Variants in EPB41L4B observed in about 807,000 individuals in gnomAD.
EPB41L4B encodes band 4.1-like protein 4B.
EPB41L4B carries 30 observed loss-of-function variants against 112.5 expected under a neutral mutation model. The observed-to-expected ratio is 0.27, with a 90% CI of 0.20 to 0.36. EPB41L4B has a LOEUF of 0.36. Among genes scored for constraint, EPB41L4B ranks in the 10% least tolerant of loss-of-function variants. The probability of loss-of-function intolerance (pLI) is 1.00; values close to 1 mark genes in which losing one functional copy is unlikely to be tolerated. For synonymous variants in EPB41L4B, 408 were observed against 439.7 expected (o/e 0.93, Z 0.90); for missense variants, 1,024 against 1,133.3 (o/e 0.90, Z 1.38).
chr9:109,234,163 C>T (rs1292310526), intron 15 of EPB41L4B, among the ~76,000 whole-genome samples: 1 of 150,736 alleles, frequency 6.6e-6, no homozygotes, highest in African/African-American at 2.4e-5. Context: ...AAGGCATTGT[C>T]ATAATTGCTG....
intron 1 of EPB41L4B, among the ~76,000 whole-genome samples, chr9:109,291,023 T>G (rs888737635): frequency 1.3e-5 from 2 of 152,174 alleles, no homozygotes; most frequent in Non-Finnish European, 2.9e-5. Context: ...ACTGGACTTA[T>G]GGCCAGGCTG....
chr9:109,193,478 G>T (rs1439867648), intron 21 of EPB41L4B, among the ~76,000 whole-genome samples: 1 of 152,252 alleles, frequency 6.6e-6, no homozygotes, highest in Non-Finnish European at 1.5e-5. Context: ...TAAAGGTTTT[G>T]GAAGTGAGTG....
chr9:109,260,445 C>T (rs868611148), intron 6 of EPB41L4B, among the ~76,000 whole-genome samples: 6 of 136,540 alleles, frequency 4.4e-5, no homozygotes, highest in Non-Finnish European at 7.7e-5. Flanking sequence ...GACAGAGTCT[C>T]GCTCTGTCAC....
At chr9:109,317,459 A>C (rs148184486) in intron 1 of EPB41L4B, among the ~76,000 whole-genome samples, 1 of 152,240 alleles carries the variant, frequency 6.6e-6, no homozygotes, top group Non-Finnish European at 1.5e-5. Context: ...TCTGCAGCAC[A>C]CAGCTTGGCA....
At chr9:109,211,318 G>C (rs567958753) in intron 17 of EPB41L4B, among the ~76,000 whole-genome samples, 1 of 152,270 alleles carries the variant, frequency 6.6e-6, no homozygotes, top group South Asian at 2.1e-4. Flanking sequence ...AGTGTGGCCA[G>C]GCATGGTGGC....
intron 17 of EPB41L4B, 98 bp from the exon 18 acceptor site, chr9:109,208,147 T>A: frequency 7.0e-7 from 1 of 1,420,448 alleles, no homozygotes; most frequent in Non-Finnish European, 9.7e-7. Flanking sequence ...AACACAGACC[T>A]ACATACATAG....
intron 25 of EPB41L4B, among the ~76,000 whole-genome samples, chr9:109,174,844 A>T (rs552143809): frequency 6.7e-6 from 1 of 149,672 alleles, no homozygotes; most frequent in African/African-American, 2.5e-5. Flanking sequence ...GGCTGACTAT[A>T]TGTCATTCAT....
At chr9:109,228,144 G>C (rs1833846033) in intron 15 of EPB41L4B, among the ~76,000 whole-genome samples, 1 of 152,218 alleles carries the variant, frequency 6.6e-6, no homozygotes, top group Middle Eastern at 3.4e-3. Context: ...ACATTATCTA[G>C]TGTTTCACCA....
At chr9:109,180,069 ACCACCTACATCC>A (rs1472567169) in intron 24 of EPB41L4B, among the ~76,000 whole-genome samples, 2 of 151,930 alleles carry the variant, frequency 1.3e-5, no homozygotes, top group African/African-American at 4.8e-5. Context: ...CAGTTTTATC[ACCACCTACATCC>A]CCTTCCTCCT....
At chr9:109,234,100 T>A (rs1458241769) in intron 15 of EPB41L4B, among the ~76,000 whole-genome samples, 6 of 145,482 alleles carry the variant, frequency 4.1e-5, no homozygotes, top group African/African-American at 2.6e-5. Flanking sequence ...CAGACTAAGT[T>A]AAAAAAAAAA....
At chr9:109,229,374 T>C (rs954105167) in intron 15 of EPB41L4B, among the ~76,000 whole-genome samples, 19 of 152,188 alleles carry the variant, frequency 1.2e-4, no homozygotes, top group African/African-American at 4.6e-4. Flanking sequence ...AAGTCCCCCA[T>C]AGGTACTACG....
chr9:109,204,276 G>A (rs894600546), intron 18 of EPB41L4B, among the ~76,000 whole-genome samples: 9 of 151,926 alleles, frequency 5.9e-5, no homozygotes, highest in African/African-American at 1.5e-4. Context: ...CAGCCAGCCA[G>A]GCCAGCTGAC....
chr9:109,243,954 C>T (rs914055666), intron 14 of EPB41L4B, among the ~76,000 whole-genome samples: 1 of 152,174 alleles, frequency 6.6e-6, no homozygotes, highest in African/African-American at 2.4e-5. Context: ...GGTGACAACA[C>T]CGGCCTTGAA....
intron 16 of EPB41L4B, among the ~76,000 whole-genome samples, chr9:109,215,429 G>A (rs900224291): frequency 7.2e-5 from 11 of 152,010 alleles, no homozygotes; most frequent in Non-Finnish European, 1.0e-4. Flanking sequence ...ATAGGTGCAC[G>A]CCACCAGGCC....
At chr9:109,231,575 C>T (rs1833954034) in intron 15 of EPB41L4B, among the ~76,000 whole-genome samples, 1 of 152,170 alleles carries the variant, frequency 6.6e-6, no homozygotes, top group African/African-American at 2.4e-5. Context: ...GATTAACATC[C>T]CACATCCTAA....
In EPB41L4B at chr9:109,192,355, T is replaced by C. The variant is rs1008520499; in HGVS notation, c.2224A>G (p.Ser742Gly). 1.9e-6 allele frequency: 3 copies of C among 1,602,734 alleles called. No homozygotes were observed. Among genetic ancestry groups the C allele is most frequent in the African/African-American group, 2.7e-5 (2 of 74,168 alleles). Residue 742 changes from serine to glycine, a missense_variant and splice_region_variant, in exon 22 of 26, where the codon AGC becomes GGC. Ser to Gly is a moderately conservative substitution (Grantham distance 56, BLOSUM62 0). Coordinates refer to ENST00000374566, the MANE Select transcript of EPB41L4B (RefSeq NM_019114.5). ...AAGGCACCTCCTCGGTCAGAGGGGC[T>C]CTAGGGAGACAGACAAACACCCCTG... ...GKGLLSPGAK[S>G]PSDRGGAFTL...
At chr9:109,198,515 C>A (rs572718106) in intron 20 of EPB41L4B, among the ~76,000 whole-genome samples, 143 of 152,318 alleles carry the variant, frequency 9.4e-4, no homozygotes, top group Non-Finnish European at 1.7e-3. Flanking sequence ...AACTCCAAAG[C>A]CCCCATCCTT....
chr9:109,274,519 T>G (rs1436418518), intron 2 of EPB41L4B, among the ~76,000 whole-genome samples: 1 of 152,234 alleles, frequency 6.6e-6, no homozygotes, highest in Non-Finnish European at 1.5e-5. Flanking sequence ...ATTACTTGTC[T>G]ATGTCTCCCA....
chr9:109,268,440 G>C lies in EPB41L4B; in HGVS notation c.412-7C>G. 6.2e-7 allele frequency: 1 copy of C among 1,603,744 alleles called. No homozygotes were observed. Among genetic ancestry groups the C allele is most frequent in the Non-Finnish European group, 8.5e-7 (1 of 1,177,532 alleles). On this transcript the variant is annotated splice_region_variant and splice_polypyrimidine_tract_variant and intron_variant, in intron 2 of 25. Coordinates refer to ENST00000374566, the MANE Select transcript of EPB41L4B (RefSeq NM_019114.5). ...TGGCATGATCCAGCCAGTGCTGAAAGAAAGAAAAAAAGTTTCTTTAGGAAT... is the reference window on the plus strand; with the variant it reads ...TGGCATGATCCAGCCAGTGCTGAAACAAAGAAAAAAAGTTTCTTTAGGAAT...
Sources: gnomAD v4.1 joint callset for allele counts (sites outside exome capture counted in the v4.1 genomes callset) on GRCh38, gnomAD v4.1.1 for gene constraint, MANE v1.5 for transcripts, NCBI Gene and HGNC (gene_info 2026-07-23, HGNC 2026-07-21) for gene names.